The following RABGAP1L variants were observed in gnomAD, a reference collection of about 807,000 sequenced individuals.
RABGAP1L encodes the protein rab GTPase-activating protein 1-like.
Under a neutral mutation model 137.7 loss-of-function variants are expected in RABGAP1L, and 63 were observed. That is an observed-to-expected ratio of 0.46 (90% CI 0.37 to 0.56). RABGAP1L has a LOEUF of 0.56. Ranked by LOEUF, RABGAP1L falls within the 20% of genes least tolerant of loss-of-function variation. RABGAP1L has a pLI of 0.00. For missense variants in RABGAP1L, 1,095 were observed against 1,244.0 expected, an observed-to-expected ratio of 0.88 and a Z score of 1.80; for synonymous variants, 431 against 433.7, an observed-to-expected ratio of 0.99 and a Z score of 0.08.
At chr1:174,190,225 C>T (rs919959264) in intron 1 of RABGAP1L, among the ~76,000 whole-genome samples, 3 of 150,168 alleles carry the variant, frequency 2.0e-5, no homozygotes, top group African/African-American at 7.4e-5. Context: ...ATCACTTGAA[C>T]GCGGGAGGCA....
chr1:174,198,679 T>C (rs1195496648), intron 1 of RABGAP1L, among the ~76,000 whole-genome samples: 1 of 151,762 alleles, frequency 6.6e-6, no homozygotes, highest in East Asian at 1.9e-4. Context: ...TGCACTGTAT[T>C]GGGGAATTGA....
At chr1:174,957,604 A>G in intron 20 of RABGAP1L, 55 bp downstream of exon 20, 1 of 1,457,454 alleles carries the variant, frequency 6.9e-7, no homozygotes. Context: ...TTTAAATGAG[A>G]CTGAGTCTTG....
chr1:174,841,550 AAAG>A (rs1387905626), intron 19 of RABGAP1L, among the ~76,000 whole-genome samples: 1 of 152,050 alleles, frequency 6.6e-6, no homozygotes, highest in African/African-American at 2.4e-5. Context: ...TAAACATAAA[AAAG>A]CAGAAGAAGG....
chr1:174,786,863 TC>T (rs1381765064), intron 18 of RABGAP1L, among the ~76,000 whole-genome samples: 1 of 152,208 alleles, frequency 6.6e-6, no homozygotes, highest in African/African-American at 2.4e-5. Context: ...CACGTGAGCA[TC>T]ATTTATTCAT....
intron 13 of RABGAP1L, among the ~76,000 whole-genome samples, chr1:174,531,248 G>T (rs867984901): frequency 3.2e-4 from 49 of 152,224 alleles, no homozygotes; most frequent in African/African-American, 1.2e-3. Context: ...ATACCTATCA[G>T]AGATGGTATA....
At chr1:174,779,752 A>G (rs1366163586) in intron 18 of RABGAP1L, among the ~76,000 whole-genome samples, 1 of 152,170 alleles carries the variant, frequency 6.6e-6, no homozygotes, top group Non-Finnish European at 1.5e-5. Context: ...AGGTCTCTTC[A>G]CATAGATTAT....
chr1:174,332,512 C>T (rs750202178), intron 11 of RABGAP1L, among the ~76,000 whole-genome samples: 3 of 152,146 alleles, frequency 2.0e-5, no homozygotes, highest in Non-Finnish European at 4.4e-5. Context: ...TCCCCTGCCT[C>T]AGCCTCCCGA....
intron 13 of RABGAP1L, among the ~76,000 whole-genome samples, chr1:174,612,864 C>T (rs968768851): frequency 3.3e-4 from 50 of 152,178 alleles, no homozygotes; most frequent in African/African-American, 1.1e-3. Flanking sequence ...GTAGTATTCT[C>T]TGATGGTAGT....
chr1:174,298,388 C>G (rs752227877), intron 10 of RABGAP1L, among the ~76,000 whole-genome samples: 10 of 152,160 alleles, frequency 6.6e-5, no homozygotes, highest in Non-Finnish European at 1.5e-4. Context: ...CCTTGGAGTT[C>G]CCTAGACCTG....
intron 11 of RABGAP1L, among the ~76,000 whole-genome samples, chr1:174,345,681 A>G (rs894508272): frequency 2.0e-5 from 3 of 152,200 alleles, no homozygotes; most frequent in African/African-American, 7.2e-5. Flanking sequence ...AGATCGTATC[A>G]TCTCCAAAGA....
At chr1:174,778,195 CAAAG>C (rs1182351244) in intron 18 of RABGAP1L, among the ~76,000 whole-genome samples, 2 of 152,024 alleles carry the variant, frequency 1.3e-5, no homozygotes, top group Non-Finnish European at 2.9e-5. Flanking sequence ...TGTAAAGAAA[CAAAG>C]AAAAGTATAT....
intron 19 of RABGAP1L, among the ~76,000 whole-genome samples, chr1:174,887,527 A>G (rs1655361979): frequency 1.3e-5 from 2 of 152,208 alleles, no homozygotes; most frequent in South Asian, 4.2e-4. Context: ...TAAGAAACAG[A>G]AATCTCTTGC....
intron 17 of RABGAP1L, among the ~76,000 whole-genome samples, chr1:174,738,785 T>C (rs1361293686): frequency 6.6e-6 from 1 of 152,236 alleles, no homozygotes; most frequent in Non-Finnish European, 1.5e-5. Context: ...GACCGTTTAA[T>C]ATTAGGTTCA....
chr1:174,511,675 C>T (rs535975598), intron 13 of RABGAP1L, among the ~76,000 whole-genome samples: 24 of 150,040 alleles, frequency 1.6e-4, no homozygotes, highest in Non-Finnish European at 2.8e-4. Flanking sequence ...CAGGCTGGAG[C>T]GCAATGGCGT....
intron 11 of RABGAP1L, among the ~76,000 whole-genome samples, chr1:174,331,805 C>G (rs577739540): frequency 6.6e-5 from 10 of 151,742 alleles, no homozygotes; most frequent in Admixed American, 5.9e-4. Flanking sequence ...TTAGGTATAT[C>G]TCCTAATGCT....
At chr1:174,531,649 C>T (rs1181279563) in intron 13 of RABGAP1L, among the ~76,000 whole-genome samples, 1 of 147,730 alleles carries the variant, frequency 6.8e-6, no homozygotes, top group African/African-American at 2.5e-5. Flanking sequence ...GGAAGAATTG[C>T]TTTAAGCTAG....
At chr1:174,660,019 C>T (rs1345371146) in intron 14 of RABGAP1L, among the ~76,000 whole-genome samples, 2 of 152,150 alleles carry the variant, frequency 1.3e-5, no homozygotes, top group Non-Finnish European at 2.9e-5. Context: ...AAACATGACT[C>T]ACAGAGGCAC....
chr1:174,679,800 A>G (rs575352049), intron 14 of RABGAP1L, among the ~76,000 whole-genome samples: 1 of 152,354 alleles, frequency 6.6e-6, no homozygotes, highest in African/African-American at 2.4e-5. Context: ...AAATCACGGT[A>G]GGCATTTCTG....
chr1:174,661,501 G>A (rs1388498334), intron 14 of RABGAP1L, among the ~76,000 whole-genome samples: 3 of 151,900 alleles, frequency 2.0e-5, no homozygotes, highest in South Asian at 2.1e-4. Flanking sequence ...TTGTAGTCTG[G>A]GAATATACCT....
Sources: gnomAD v4.1 joint callset for allele counts (sites outside exome capture counted in the v4.1 genomes callset) on GRCh38, gnomAD v4.1.1 for gene constraint, MANE v1.5 for transcripts, NCBI Gene and HGNC (gene_info 2026-07-23, HGNC 2026-07-21) for gene names.